DSG4: variants seen among roughly 807,000 people sequenced by gnomAD.
DSG4 encodes the protein desmoglein-4.
DSG4 carries 87 observed loss-of-function variants against 93.1 expected under a neutral mutation model. The ratio of observed to expected loss-of-function variants is 0.93; its 90% CI spans 0.79 to 1.12. The LOEUF (loss-of-function observed/expected upper bound fraction) is 1.12. DSG4 is among the 50% of genes most tolerant of loss of function. The pLI, the probability that DSG4 is intolerant of heterozygous loss-of-function variation, is 0.00. For missense variants in DSG4, 1,373 were observed against 1,285.7 expected, an observed-to-expected ratio of 1.07 and a Z score of -1.04; for synonymous variants, 432 against 452.9, an observed-to-expected ratio of 0.95 and a Z score of 0.59.
At chr18:31,410,900 G>A (rs1391795521) in intron 14 of DSG4, among the ~76,000 whole-genome samples, 4 of 152,162 alleles carry the variant, frequency 2.6e-5, no homozygotes, top group African/African-American at 9.7e-5. Flanking sequence ...GAGGGCTCCC[G>A]GCTGGATCAA....
rs1355222749 is a variant in DSG4, at chr18:31,388,862, A to G, written c.373-12A>G. 9 of 1,613,300 alleles carry G rather than the reference A, an allele frequency of 5.6e-6. No homozygotes were observed. The Admixed American group carries it at 1.2e-4, about 21-fold the overall frequency. On this transcript the variant is annotated splice_polypyrimidine_tract_variant and intron_variant, in intron 4 of 15. Coordinates refer to ENST00000308128, the MANE Select transcript of DSG4 (RefSeq NM_177986.5). ...TGGTGGAAAAAGATGGCTTTTTTCCAATTTTCCACAGATCTATTGCCGGGC... is the reference window on the plus strand; with the variant it reads ...TGGTGGAAAAAGATGGCTTTTTTCCGATTTTCCACAGATCTATTGCCGGGC...
At chr18:31,398,879 A>G (rs1050760584) in intron 8 of DSG4, among the ~76,000 whole-genome samples, 1 of 152,244 alleles carries the variant, frequency 6.6e-6, no homozygotes, top group African/African-American at 2.4e-5. Flanking sequence ...TGTGAGTTCT[A>G]TAAAGGAAAT....
intron 5 of DSG4, among the ~76,000 whole-genome samples, chr18:31,389,414 C>A (rs893178086): frequency 6.6e-6 from 1 of 152,126 alleles, no homozygotes; most frequent in South Asian, 2.1e-4. Flanking sequence ...TGGAAGCACA[C>A]GCAATTGTAC....
At chr18:31,403,907 G>T (rs182263084) in intron 11 of DSG4, among the ~76,000 whole-genome samples, 1 of 152,090 alleles carries the variant, frequency 6.6e-6, no homozygotes, top group African/African-American at 2.4e-5. Flanking sequence ...TAGGTAAAAC[G>T]TTGAACCAAT....
chr18:31,386,776 G>A lies in DSG4; in HGVS notation c.173G>A (p.Cys58Tyr), dbSNP rs1335214065. The A allele has an allele frequency of 3.7e-6, 6 of 1,613,460 alleles. No individual in the cohort carries two copies. The highest frequency in any genetic ancestry group is 1.3e-5 in the African/African-American group (1 of 75,008). Residue 58 changes from cysteine to tyrosine, a missense_variant, in exon 3 of 16, where the codon TGT becomes TAT. By Grantham distance (194) the Cys-to-Tyr change is radical. Transcript: ENST00000308128. ...KREWIKFAAACREGEDNSKRN... is the reference protein window; with the variant it reads ...KREWIKFAAAYREGEDNSKRN... ...GAGTGGATCAAGTTTGCCGCAGCCT[G>A]TCGAGAAGGAGAGGACAACTCGAAG...
At chr18:31,407,733 G>A (rs577667872) in intron 12 of DSG4, among the ~76,000 whole-genome samples, 4 of 152,292 alleles carry the variant, frequency 2.6e-5, no homozygotes, top group African/African-American at 9.6e-5. Flanking sequence ...CAAAGATCAT[G>A]AGTGATTCTC....
chr18:31,400,718 T>A (rs1028868676), intron 9 of DSG4, among the ~76,000 whole-genome samples, 163 bp from the exon 10 acceptor site: 1 of 152,154 alleles, frequency 6.6e-6, no homozygotes, highest in East Asian at 1.9e-4. Flanking sequence ...GTATATATCA[T>A]TGAATTTTTA....
Position 31,406,675 on chromosome 18 carries a change from G to C in DSG4, c.1933+302G>C, listed in dbSNP as rs572366100. ...ATTTCCTTAAAATGCTTTAAGAGTA[G>C]AGAGGCAGAAGCAATTAAGTCCATG... On this transcript the variant is annotated intron_variant, in intron 12 of 15. Coordinates refer to ENST00000308128, the MANE Select transcript of DSG4 (RefSeq NM_177986.5). Among the ~76,000 whole-genome samples, 5 of 152,304 alleles carry C rather than the reference G, an allele frequency of 3.3e-5. No individual in the cohort carries two copies. In the South Asian group the frequency reaches 1.0e-3, roughly 32 times the overall value.
Position 31,399,558 on chromosome 18 carries a change from T to C in DSG4, c.1277+15T>C. The C allele has an allele frequency of 6.2e-7, 1 of 1,613,696 alleles. No homozygotes were observed. On this transcript the variant is annotated intron_variant, in intron 9 of 15. Coordinates refer to ENST00000308128, the MANE Select transcript of DSG4 (RefSeq NM_177986.5). ...ACAGATGTCAGGTACTGCAACTATTTTCTTCATGTTCTATGGTTCTATCCA... is the reference window on the plus strand; with the variant it reads ...ACAGATGTCAGGTACTGCAACTATTCTCTTCATGTTCTATGGTTCTATCCA...
intron 8 of DSG4, 62 bp from the exon 9 acceptor site, chr18:31,399,210 T>C: frequency 6.2e-7 from 1 of 1,605,436 alleles, no homozygotes; most frequent in Non-Finnish European, 8.5e-7. Flanking sequence ...TACCATGGCT[T>C]CTTACTTTAT....
At chr18:31,380,991 A>T (rs904525783) in intron 1 of DSG4, among the ~76,000 whole-genome samples, 1 of 152,236 alleles carries the variant, frequency 6.6e-6, no homozygotes, top group Non-Finnish European at 1.5e-5. Context: ...TAAAAGTTAG[A>T]TGACAATAGA....
At chr18:31,412,351 T>C (rs541017116) in intron 15 of DSG4, among the ~76,000 whole-genome samples, 3 of 152,226 alleles carry the variant, frequency 2.0e-5, no homozygotes, top group African/African-American at 7.2e-5. Context: ...AGTAGAATGA[T>C]GGTTACTAGA....
chr18:31,399,542 A>T lies in DSG4; in HGVS notation c.1276A>T (p.Arg426Ter). 1 of 1,613,836 alleles carries T rather than the reference A, an allele frequency of 6.2e-7. No individual in the cohort carries two copies. The highest frequency in any genetic ancestry group is 8.5e-7 in the Non-Finnish European group (1 of 1,179,792). ...LDTGNPATDVRYIIGHDAGSW... is the reference protein window; with the variant it reads ...LDTGNPATDV ...CACAGGAAACCCTGCAACAGATGTC[A>T]GGTACTGCAACTATTTTCTTCATGT... is the stretch of plus-strand genomic sequence containing the variant. Residue 426 changes from arginine (R) to a stop codon, truncating the protein, a stop_gained and splice_region_variant, in exon 9 of 16, where the codon AGA becomes TGA. Coordinates refer to ENST00000308128, the MANE Select transcript of DSG4 (RefSeq NM_177986.5). LOFTEE classifies it high-confidence loss of function.
rs2072173717 is a variant in DSG4, at chr18:31,385,127, T to C, written c.49-9T>C. On this transcript the variant is annotated splice_polypyrimidine_tract_variant and intron_variant, in intron 1 of 15. Coordinates refer to ENST00000308128, the MANE Select transcript of DSG4 (RefSeq NM_177986.5). Reference sequence around the variant, plus strand: ...ATTTATGCTAATGTGGTATCTTCTATCAAAACAGGTGGTGATGGAAGTAAA... The same window carrying C: ...ATTTATGCTAATGTGGTATCTTCTACCAAAACAGGTGGTGATGGAAGTAAA... The C allele has an allele frequency of 6.2e-7, 1 of 1,601,744 alleles. No individual in the cohort carries two copies. The highest frequency in any genetic ancestry group is 8.5e-7 in the Non-Finnish European group (1 of 1,171,330).
rs140646302 is a variant in DSG4 at position 31,412,925 on chromosome 18, T to C, written c.2453T>C (p.Ile818Thr). The change falls in exon 16 of 16, where the codon ATT (isoleucine) becomes ACT (threonine). Residue 818 changes from isoleucine to threonine, a missense_variant. Ile to Thr is a moderately conservative substitution (Grantham distance 89, BLOSUM62 -1). Coordinates refer to ENST00000308128, the MANE Select transcript of DSG4 (RefSeq NM_177986.5). ...GGAGTCGGGTCTCCCGTAGGCTCTA[T>C]TGGTTGTTGCAGTTGGATTGTGGAT... ...HEGVGSPVGS[I>T]GCCSWIVDDL... 5.6e-6 allele frequency: 9 copies of C among 1,614,110 alleles called. No homozygotes were observed. Among genetic ancestry groups the C allele is most frequent in the African/African-American group, 1.3e-5 (1 of 74,930 alleles).
chr18:31,408,399 G>A (rs958024548), intron 12 of DSG4, among the ~76,000 whole-genome samples: 6 of 152,156 alleles, frequency 3.9e-5, no homozygotes, highest in African/African-American at 1.4e-4. Flanking sequence ...ACCAATTTTA[G>A]TTTTAGTCCT....
At chr18:31,393,995 T>A (rs1441967932) in intron 8 of DSG4, among the ~76,000 whole-genome samples, 2 of 152,216 alleles carry the variant, frequency 1.3e-5, no homozygotes, top group African/African-American at 4.8e-5. Flanking sequence ...TATCATGGAC[T>A]TTCTGTTTGG....
At chr18:31,403,691 C>CA (rs947653668) in intron 11 of DSG4, 57 bp downstream of exon 11, 3 of 1,520,300 alleles carry the variant, frequency 2.0e-6, no homozygotes, top group African/African-American at 2.8e-5. Context: ...AAACAATTAC[C>CA]AAAAAATGTG....
chr18:31,394,542 A>G (rs2072284503), intron 8 of DSG4, among the ~76,000 whole-genome samples: 2 of 152,132 alleles, frequency 1.3e-5, no homozygotes, highest in South Asian at 2.1e-4. Flanking sequence ...GTGCCATTGC[A>G]CTCCAGCCTC....
Sources: allele counts gnomAD v4.1 joint callset (sites outside exome capture counted in the v4.1 genomes callset), GRCh38; gene constraint gnomAD v4.1.1; transcripts MANE v1.5; gene names NCBI Gene and HGNC (gene_info 2026-07-23, HGNC 2026-07-21).